KEL: variants seen among roughly 807,000 people sequenced by gnomAD.
KEL encodes Kell metallo-endopeptidase (Kell blood group).
Under a neutral mutation model 99.5 loss-of-function variants are expected in KEL, and 96 were observed. The ratio of observed to expected loss-of-function variants is 0.97; its 90% confidence interval spans 0.82 to 1.14. The LOEUF (loss-of-function observed/expected upper bound fraction) is 1.14, where lower values mean the gene tolerates loss of function less well. Among genes scored for constraint, KEL ranks in the 50% most tolerant of loss-of-function variants. KEL has a pLI of 0.00. For synonymous variants in KEL, 355 were observed against 354.8 expected, an observed-to-expected ratio of 1.00 and a Z score of -0.01; for missense variants, 926 against 924.2, an observed-to-expected ratio of 1.00 and a Z score of -0.03.
In KEL at chr7:142,953,757, C is replaced by T. The variant is rs1157831980; in HGVS notation, c.1073+51G>A. The T allele has an allele frequency of 1.9e-6, 3 of 1,605,958 alleles. No homozygotes were observed. In the East Asian group the frequency reaches 6.7e-5, roughly 36 times the overall value. ...TCCTTTGCCCCCAAGATCTACGGTG[C>T]TCAGGCTCTCCTCCATTTCCATGAT... On this transcript the variant is annotated intron_variant, in intron 9 of 18. Coordinates refer to ENST00000355265, the MANE Select transcript of KEL (RefSeq NM_000420.3).
chr7:142,956,397 C>T lies in KEL; in HGVS notation c.672+1430G>A, dbSNP rs1013633648. Among the ~76,000 whole-genome samples, 5 of 152,068 alleles carry T rather than the reference C, an allele frequency of 3.3e-5. No homozygotes were observed. In the South Asian group the frequency reaches 1.0e-3, roughly 32 times the overall value. ...ACGCACAACCATCAAAATACTTGCT[C>T]TATGCACAATTGTCATAAGAGTTGG... On this transcript the variant is annotated intron_variant, in intron 6 of 18. Transcript: ENST00000355265.
At position 142,957,990 on chromosome 7, in the gene KEL, G is replaced by C. The variant is rs1176988306; in HGVS notation, c.526-17C>G. 1.2e-6 allele frequency: 2 copies of C among 1,609,884 alleles called. No individual in the cohort carries two copies. The highest frequency in any genetic ancestry group is 1.7e-5 in the Admixed American group (1 of 59,754). ...GCCTCCAAGCTTTAAAGGAGAGAGA[G>C]GGGGCTGAGCATAAGGATCCGTGGA... On this transcript the variant is annotated splice_polypyrimidine_tract_variant and intron_variant, in intron 5 of 18. Coordinates refer to ENST00000355265, the MANE Select transcript of KEL (RefSeq NM_000420.3).
Position 142,942,930 on chromosome 7 carries a change from G to T in KEL, c.1886C>A (p.Ser629Tyr). The change falls in exon 17 of 19, where the codon TCC becomes TAC. Residue 629 changes from serine (S) to tyrosine (Y), a missense_variant. Physicochemically the swap from Ser to Tyr is moderately radical, Grantham distance 144 (BLOSUM62 -2). Coordinates refer to ENST00000355265, the MANE Select transcript of KEL (RefSeq NM_000420.3). Reference protein sequence around the residue: ...PLPSRTSFNDSLTFLENAADV... With the variant: ...PLPSRTSFNDYLTFLENAADV... ...TGCAGCATTCTCTAAGAATGTGAGG[G>T]AGTCATTGAAGGAGGTTCTGCTAGG... 4 of 1,614,192 alleles carry T rather than the reference G, an allele frequency of 2.5e-6. No individual in the cohort carries two copies. The highest frequency in any genetic ancestry group is 3.4e-6 in the Non-Finnish European group (4 of 1,180,022).
At position 142,943,851 on chromosome 7, in the gene KEL, G is replaced by A. The variant is rs370122194; in HGVS notation, c.1524C>T (p.Val508=). Residue 508 remains valine (V), a synonymous_variant, in exon 14 of 19, where the codon GTC becomes GTT. Coordinates refer to ENST00000355265, the MANE Select transcript of KEL (RefSeq NM_000420.3). ...CTCGGAGGGACCGGACACAGCTCAG[G>A]ACAGACTGCAGGAAGCTCGATCCAA... ...IQLGSSFLQS[V]LSCVRSLRAR... 1.1e-5 allele frequency: 17 copies of A among 1,614,126 alleles called. No homozygotes were observed. In the African/African-American group the frequency reaches 2.0e-4, roughly 19 times the overall value.
chr7:142,947,597 C>T (rs11980375), intron 10 of KEL, among the ~76,000 whole-genome samples: 2,001 of 152,272 alleles, frequency 0.013, 21 homozygotes, highest in African/African-American at 0.039. Flanking sequence ...GTGACCCAGG[C>T]TGGAGTGCAG....
Position 142,943,335 on chromosome 7 carries a change from T to C in KEL, c.1712A>G (p.Asn571Ser), listed in dbSNP as rs1796419494. ...FFHPGYPRAV[N>S]FGAAGSIMAH... Reference sequence around the variant, plus strand: ...CATGATGCTGCCAGCAGCGCCAAAGTTCACGGCTCTAGGGAGACAAGGGCT... The same window carrying C: ...CATGATGCTGCCAGCAGCGCCAAAGCTCACGGCTCTAGGGAGACAAGGGCT... The change falls in exon 16 of 19, where the codon AAC becomes AGC. Residue 571 changes from asparagine (N) to serine (S), a missense_variant. By Grantham distance (46) the Asn-to-Ser change is conservative. Coordinates refer to ENST00000355265, the MANE Select transcript of KEL (RefSeq NM_000420.3). The C allele has an allele frequency of 3.1e-6, 5 of 1,613,970 alleles. No individual in the cohort carries two copies. Among genetic ancestry groups the C allele is most frequent in the Non-Finnish European group, 3.4e-6 (4 of 1,180,008 alleles).
At chr7:142,942,383 G>T in intron 18 of KEL, 51 bp downstream of exon 18, 1 of 1,263,750 alleles carries the variant, frequency 7.9e-7, no homozygotes, top group Non-Finnish European at 1.1e-6. Flanking sequence ...TCAGTAATAA[G>T]GCGTTCAACT....
Position 142,961,064 on chromosome 7 carries a change from A to G in KEL, c.264T>C (p.His88=). The G allele has an allele frequency of 6.2e-7, 1 of 1,614,206 alleles. No homozygotes were observed. Among genetic ancestry groups the G allele is most frequent in the Non-Finnish European group, 8.5e-7 (1 of 1,180,040 alleles). ...CACTTGTGTTCCCAGAGGCCAGGTA[A>G]TGATCCCGGAGATCCAAACACACAG... ...ETSVCLDLRD[H]YLASGNTSVA... is the part of the protein sequence containing the mutation. The change falls in exon 4 of 19, where the codon CAT becomes CAC. Residue 88 remains histidine, a synonymous_variant. Coordinates refer to ENST00000355265, the MANE Select transcript of KEL (RefSeq NM_000420.3).
At chr7:142,950,511 C>A (rs1796657567) in intron 10 of KEL, among the ~76,000 whole-genome samples, 1 of 152,204 alleles carries the variant, frequency 6.6e-6, no homozygotes, top group Non-Finnish European at 1.5e-5. Context: ...CTTTCTTCAC[C>A]AGAAAACTCC....
Position 142,942,317 on chromosome 7 carries a change from C to T in KEL, c.2037+117G>A. ...GAAAAGATAACAGTGAGGACATCTG[C>T]AGAAGAGGGTTTGGGGTATTTGACG... On this transcript the variant is annotated intron_variant, in intron 18 of 18. Coordinates refer to ENST00000355265, the MANE Select transcript of KEL (RefSeq NM_000420.3). 5.5e-6 allele frequency: 4 copies of T among 726,366 alleles called. No individual in the cohort carries two copies. In the Middle Eastern group the frequency reaches 9.2e-4, roughly 167 times the overall value. 45.0% of individuals were successfully genotyped at this position (726,366 alleles called of 1,614,324 possible). A position where few individuals can be genotyped will look rare whatever the true frequency, so the allele number is the denominator to read the frequency against.
At chr7:142,942,821 C>T in intron 17 of KEL, 54 bp downstream of exon 17, 1 of 1,600,820 alleles carries the variant, frequency 6.2e-7, no homozygotes, top group Non-Finnish European at 8.6e-7. Context: ...AACTTGAGGA[C>T]ATGTTTTCTA....
intron 6 of KEL, among the ~76,000 whole-genome samples, chr7:142,954,754 T>C (rs926463652): frequency 6.6e-6 from 1 of 152,134 alleles, no homozygotes; most frequent in Non-Finnish European, 1.5e-5. Flanking sequence ...ACAACCAGTG[T>C]GGGTGTGCCC....
intron 11 of KEL, 110 bp downstream of exon 11, chr7:142,946,097 A>T (rs1315127549): frequency 7.6e-6 from 6 of 792,126 alleles, no homozygotes; most frequent in African/African-American, 1.7e-5. Flanking sequence ...CTGACTGCCC[A>T]ATTCCCCAAT....
At position 142,960,962 on chromosome 7, in the gene KEL, G is replaced by C. The variant is rs1439602147; in HGVS notation, c.366C>G (p.Ala122=). 6.2e-7 allele frequency: 1 copy of C among 1,614,060 alleles called. No homozygotes were observed. The highest frequency in any genetic ancestry group is 8.5e-7 in the Non-Finnish European group (1 of 1,180,046). ...KETNNSFQEL[A]TKNKNRLRRI... is the part of the protein sequence containing the mutation. The stretch of plus-strand genomic sequence containing the variant: ...TCCGAAGTCGGTTTTTGTTCTTTGT[G>C]GCAAGCTCCTGAAAAGAATTATTGG... Residue 122 remains alanine (A), a synonymous_variant, in exon 4 of 19, where the codon GCC becomes GCG. Coordinates refer to ENST00000355265, the MANE Select transcript of KEL (RefSeq NM_000420.3).
intron 9 of KEL, 46 bp downstream of exon 9, chr7:142,953,762 G>A: frequency 6.2e-7 from 1 of 1,606,654 alleles, no homozygotes. Context: ...CGGTGCTCAG[G>A]CTCTCCTCCA....
chr7:142,961,663 T>A (rs1284805724), intron 2 of KEL, 132 bp downstream of exon 2: 1 of 1,282,092 alleles, frequency 7.8e-7, no homozygotes, highest in African/African-American at 1.5e-5. Flanking sequence ...TCCTGGGAGA[T>A]GAGAAAACAA....
intron 10 of KEL, among the ~76,000 whole-genome samples, chr7:142,947,165 C>T (rs1372307408): frequency 6.6e-6 from 1 of 152,156 alleles, no homozygotes; most frequent in African/African-American, 2.4e-5. Flanking sequence ...ACTCAAGGAA[C>T]CCAGGGACAG....
At position 142,952,566 on chromosome 7, in the gene KEL, C is replaced by G; in HGVS notation, c.1146G>C (p.Gln382His). 1 of 1,614,144 alleles carries G rather than the reference C, an allele frequency of 6.2e-7. No individual in the cohort carries two copies. Among genetic ancestry groups the G allele is most frequent in the Non-Finnish European group, 8.5e-7 (1 of 1,180,026 alleles). Residue 382 changes from glutamine (Q) to histidine (H), a missense_variant, in exon 10 of 19, where the codon CAG becomes CAC. Transcript: ENST00000355265. Reference sequence around the variant, plus strand: ...TCTGGCTGAGCTTTCTGCGTGCCTCCTGGAATTGACTGTCCAGGGCTGGAG... The same window carrying G: ...TCTGGCTGAGCTTTCTGCGTGCCTCGTGGAATTGACTGTCCAGGGCTGGAG... ...TLSPALDSQF[Q>H]EARRKLSQKL...
At chr7:142,950,072 C>A (rs1796643296) in intron 10 of KEL, among the ~76,000 whole-genome samples, 1 of 152,184 alleles carries the variant, frequency 6.6e-6, no homozygotes, top group South Asian at 2.1e-4. Flanking sequence ...TAAAACCAAA[C>A]ATTTTGATCA....
Sources: gnomAD v4.1 joint callset for allele counts (sites outside exome capture counted in the v4.1 genomes callset) on GRCh38, gnomAD v4.1.1 for gene constraint, MANE v1.5 for transcripts, NCBI Gene and HGNC (gene_info 2026-07-23, HGNC 2026-07-21) for gene names.